Variants in HS3ST4 observed in about 807,000 individuals in gnomAD.
HS3ST4 encodes heparan sulfate glucosamine 3-O-sulfotransferase 4.
HS3ST4 carries 17 observed loss-of-function variants against 29.2 expected under a neutral mutation model. The observed-to-expected ratio is 0.58, with a 90% CI of 0.40 to 0.87. The LOEUF is 0.87. HS3ST4 is among the 40% of genes least tolerant of loss of function. The pLI, the probability that HS3ST4 is intolerant of heterozygous loss-of-function variation, is 0.00. For missense variants in HS3ST4, 627 were observed against 634.5 expected (o/e 0.99, Z 0.13); for synonymous variants, 314 against 285.7 (o/e 1.10, Z -1.00).
At chr16:25,738,851 A>G (rs1464275059) in intron 1 of HS3ST4, among the ~76,000 whole-genome samples, 1 of 152,212 alleles carries the variant, frequency 6.6e-6, no homozygotes, top group African/African-American at 2.4e-5. Context: ...GCTTTGTAAT[A>G]TAACTTGAAG....
chr16:26,047,400 T>A (rs1898284092), intron 1 of HS3ST4, among the ~76,000 whole-genome samples: 1 of 152,210 alleles, frequency 6.6e-6, no homozygotes, highest in African/African-American at 2.4e-5. Context: ...CAACCTTTCA[T>A]TTATTGGTGT....
chr16:25,699,530 T>TA (rs1966320912), intron 1 of HS3ST4, among the ~76,000 whole-genome samples: 1 of 152,244 alleles, frequency 6.6e-6, no homozygotes, highest in South Asian at 2.1e-4. Flanking sequence ...ATTAAGATCT[T>TA]AGAGTTAGAA....
At chr16:25,758,213 A>C (rs1445326103) in intron 1 of HS3ST4, among the ~76,000 whole-genome samples, 2 of 152,192 alleles carry the variant, frequency 1.3e-5, no homozygotes, top group Non-Finnish European at 2.9e-5. Context: ...TACCCACTTA[A>C]ACAATGTCTT....
At chr16:25,774,970 GC>G (rs1567237241) in intron 1 of HS3ST4, among the ~76,000 whole-genome samples, 2 of 152,154 alleles carry the variant, frequency 1.3e-5, no homozygotes, top group Non-Finnish European at 2.9e-5. Context: ...TTTTTCTTCT[GC>G]AAGATTATGC....
chr16:25,970,255 T>G (rs1232890412), intron 1 of HS3ST4, among the ~76,000 whole-genome samples: 1 of 152,230 alleles, frequency 6.6e-6, no homozygotes, highest in African/African-American at 2.4e-5. Context: ...TGACTTTGTT[T>G]TGCAAGATGG....
intron 1 of HS3ST4, among the ~76,000 whole-genome samples, chr16:26,076,016 ACT>A (rs1730219445): frequency 1.3e-5 from 2 of 152,108 alleles, no homozygotes; most frequent in South Asian, 2.1e-4. Context: ...AGAAAAAATA[ACT>A]CTCTTCAACC....
At chr16:25,736,332 A>T (rs1479473421) in intron 1 of HS3ST4, among the ~76,000 whole-genome samples, 1 of 152,224 alleles carries the variant, frequency 6.6e-6, no homozygotes, top group Non-Finnish European at 1.5e-5. Flanking sequence ...CGAGAAAACA[A>T]ACCTTGCCAT....
intron 1 of HS3ST4, among the ~76,000 whole-genome samples, chr16:25,887,942 C>T (rs1415576978): frequency 2.6e-5 from 4 of 152,064 alleles, no homozygotes; most frequent in Non-Finnish European, 5.9e-5. Flanking sequence ...CATGATCTGC[C>T]TGCCTCGGCC....
chr16:25,990,543 G>T (rs541258034), intron 1 of HS3ST4, among the ~76,000 whole-genome samples: 1 of 152,378 alleles, frequency 6.6e-6, no homozygotes, highest in African/African-American at 2.4e-5. Flanking sequence ...AAGATTAAAT[G>T]ACATCATGCA....
intron 1 of HS3ST4, among the ~76,000 whole-genome samples, chr16:25,806,899 TGCATA>T (rs2141626635): frequency 6.6e-6 from 1 of 152,290 alleles, no homozygotes; most frequent in African/African-American, 2.4e-5. Context: ...TTTTCTCACA[TGCATA>T]GGTTCATGAA....
At chr16:26,067,787 CG>C in intron 1 of HS3ST4, among the ~76,000 whole-genome samples, 1 of 152,118 alleles carries the variant, frequency 6.6e-6, no homozygotes, top group East Asian at 1.9e-4. Flanking sequence ...ATCATGAGAG[CG>C]GGTTTTTCCC....
intron 1 of HS3ST4, among the ~76,000 whole-genome samples, chr16:25,859,697 C>G (rs1164521949): frequency 6.6e-6 from 1 of 152,114 alleles, no homozygotes; most frequent in East Asian, 1.9e-4. Context: ...AAAACAGGGT[C>G]AAAGACCTTA....
At chr16:25,768,483 A>T (rs1430995534) in intron 1 of HS3ST4, among the ~76,000 whole-genome samples, 1 of 152,054 alleles carries the variant, frequency 6.6e-6, no homozygotes, top group Non-Finnish European at 1.5e-5. Flanking sequence ...AGGGCAGGGG[A>T]TCTCACCAGG....
chr16:25,708,220 G>A lies in HS3ST4; in HGVS notation c.734+15069G>A, dbSNP rs542417433. On this transcript the variant is annotated intron_variant, in intron 1 of 1. Coordinates refer to ENST00000331351, the MANE Select transcript of HS3ST4 (RefSeq NM_006040.3). ...GGACACAGGTTGGGTCCAAAGTCAG[G>A]CATTTCCTGAGATACAAAACGAGTG... 1.8e-4 allele frequency among the ~76,000 whole-genome samples: 28 copies of A among 152,294 alleles called. No homozygotes were observed. In the South Asian group the frequency reaches 2.1e-3, roughly 11 times the overall value.
intron 1 of HS3ST4, among the ~76,000 whole-genome samples, chr16:25,725,799 T>G (rs902760739): frequency 6.6e-6 from 1 of 151,232 alleles, no homozygotes; most frequent in Non-Finnish European, 1.5e-5. Flanking sequence ...AATAAATGCA[T>G]ATATTTAATT....
At chr16:25,726,679 G>A (rs182596780) in intron 1 of HS3ST4, among the ~76,000 whole-genome samples, 4 of 152,246 alleles carry the variant, frequency 2.6e-5, no homozygotes, top group Non-Finnish European at 5.9e-5. Context: ...TCTTTGAGTT[G>A]ACTTAGAATC....
chr16:25,898,281 T>C (rs1968090552), intron 1 of HS3ST4, among the ~76,000 whole-genome samples: 1 of 152,246 alleles, frequency 6.6e-6, no homozygotes, highest in South Asian at 2.1e-4. Flanking sequence ...ACTCACATAG[T>C]TAATACTTAT....
At chr16:25,886,282 C>T (rs1328976598) in intron 1 of HS3ST4, among the ~76,000 whole-genome samples, 1 of 152,132 alleles carries the variant, frequency 6.6e-6, no homozygotes, top group African/African-American at 2.4e-5. Flanking sequence ...ATCCGCCTGC[C>T]TCGGCCTCCC....
At chr16:26,108,065 TCAG>T (rs1163138414) in intron 1 of HS3ST4, among the ~76,000 whole-genome samples, 2 of 152,168 alleles carry the variant, frequency 1.3e-5, no homozygotes, top group Non-Finnish European at 2.9e-5. Context: ...TACATTCACA[TCAG>T]CAGTGTATAA....
Sources: allele counts gnomAD v4.1 joint callset (sites outside exome capture counted in the v4.1 genomes callset), GRCh38; gene constraint gnomAD v4.1.1; transcripts MANE v1.5; gene names NCBI Gene and HGNC (gene_info 2026-07-23, HGNC 2026-07-21).